Variants in EPHX4 observed in about 807,000 individuals in gnomAD.
EPHX4 encodes the protein epoxide hydrolase 4.
EPHX4 carries 31 observed loss-of-function variants against 44.9 expected under a neutral mutation model. The ratio of observed to expected loss-of-function variants is 0.69; its 90% CI spans 0.52 to 0.93. The LOEUF (loss-of-function observed/expected upper bound fraction) is 0.93. EPHX4 is among the 40% of genes least tolerant of loss of function. The pLI, the probability that EPHX4 is intolerant of heterozygous loss-of-function variation, is 0.00. For synonymous variants in EPHX4, 151 were observed against 159.7 expected (o/e 0.95, Z 0.41); for missense variants, 373 against 438.1 (o/e 0.85, Z 1.33).
At chr1:92,038,679 C>T (rs1688472374) in intron 2 of EPHX4, among the ~76,000 whole-genome samples, 1 of 151,768 alleles carries the variant, frequency 6.6e-6, no homozygotes, top group African/African-American at 2.4e-5. Flanking sequence ...AAGGAGACGC[C>T]TAATGTGATA....
At chr1:92,045,187 T>C (rs1688566072) in intron 3 of EPHX4, among the ~76,000 whole-genome samples, 6 of 152,146 alleles carry the variant, frequency 3.9e-5, no homozygotes, top group Admixed American at 3.9e-4. Context: ...GGTCTTGCTA[T>C]GTTGCCCAGG....
At chr1:92,035,641 A>G (rs1386388179) in intron 2 of EPHX4, among the ~76,000 whole-genome samples, 1 of 152,164 alleles carries the variant, frequency 6.6e-6, no homozygotes, top group African/African-American at 2.4e-5. Flanking sequence ...TCTGGAATAC[A>G]TGTGCAGGAC....
intron 3 of EPHX4, chr1:92,043,823 T>C (rs1274272360): frequency 6.6e-6 from 1 of 152,208 alleles, no homozygotes; most frequent in Non-Finnish European, 1.5e-5. Flanking sequence ...AGTGGCTGCC[T>C]GAGGGAAGCT....
chr1:92,042,610 G>A (rs6692045), intron 2 of EPHX4, among the ~76,000 whole-genome samples: 41,815 of 151,066 alleles, frequency 0.28, 6,607 homozygotes, highest in African/African-American at 0.44. Context: ...CTGTAGTCTC[G>A]GCTTTTTAGG....
At chr1:92,055,303 A>G (rs1647336897) in intron 6 of EPHX4, among the ~76,000 whole-genome samples, 2 of 152,222 alleles carry the variant, frequency 1.3e-5, no homozygotes, top group African/African-American at 4.8e-5. Context: ...CACAGTTACA[A>G]TTAAAGCACA....
chr1:92,063,480 G>T lies in EPHX4; in HGVS notation c.*194G>T. 2.2e-6 allele frequency: 1 copy of T among 455,538 alleles called. No individual in the cohort carries two copies. The highest frequency in any genetic ancestry group is 3.9e-6 in the Non-Finnish European group (1 of 258,712). The allele number at this position is 455,538 out of a possible 1,614,324, so 28.2% of individuals were successfully genotyped here. A position where few individuals can be genotyped will look rare whatever the true frequency, so the allele number is the denominator to read the frequency against. ...TATAATACAATGTTGATTTTCTTCT[G>T]GTGTATTTTGCACAGACAAGCATCT... On this transcript the variant is annotated 3_prime_UTR_variant, in exon 7 of 7. Coordinates refer to ENST00000370383, the MANE Select transcript of EPHX4 (RefSeq NM_173567.5).
intron 6 of EPHX4, among the ~76,000 whole-genome samples, chr1:92,062,603 A>G (rs936510917): frequency 1.3e-5 from 2 of 151,126 alleles, no homozygotes; most frequent in African/African-American, 2.4e-5. Context: ...AAAAAAAAAA[A>G]AAAAAAAGAA....
intron 1 of EPHX4, among the ~76,000 whole-genome samples, chr1:92,030,736 G>A (rs780588321): frequency 1.2e-4 from 18 of 152,106 alleles, no homozygotes; most frequent in Non-Finnish European, 2.5e-4. Context: ...TAATGTCTCA[G>A]GAGGCTGTTC....
chr1:92,040,263 C>A (rs1688490711), intron 2 of EPHX4, among the ~76,000 whole-genome samples: 1 of 148,004 alleles, frequency 6.8e-6, no homozygotes, highest in Non-Finnish European at 1.5e-5. Context: ...GTAAACTCTG[C>A]CGCCTGGGCT....
At chr1:92,032,662 G>C (rs2101864969) in intron 2 of EPHX4, 72 bp downstream of exon 2, 1 of 1,204,366 alleles carries the variant, frequency 8.3e-7, no homozygotes, top group Non-Finnish European at 1.2e-6. Flanking sequence ...TTGTGCTGCT[G>C]TAACAGAATA....
intron 3 of EPHX4, chr1:92,043,807 A>C (rs79584457): frequency 6.6e-6 from 1 of 152,230 alleles, no homozygotes. Context: ...GCCCAAGCTA[A>C]AAGGGAGTGG....
chr1:92,048,310 C>T (rs1265378749), intron 4 of EPHX4, among the ~76,000 whole-genome samples: 1 of 152,178 alleles, frequency 6.6e-6, no homozygotes, highest in Admixed American at 6.5e-5. Flanking sequence ...AGTCATGCTA[C>T]ATGCTCGTTC....
intron 2 of EPHX4, among the ~76,000 whole-genome samples, chr1:92,039,136 T>G (rs1382086566): frequency 6.6e-6 from 1 of 152,234 alleles, no homozygotes; most frequent in African/African-American, 2.4e-5. Flanking sequence ...GCTGGAAGAT[T>G]GGGCAATAGT....
chr1:92,060,682 G>A (rs1335836504), intron 6 of EPHX4, among the ~76,000 whole-genome samples: 1 of 151,970 alleles, frequency 6.6e-6, no homozygotes, highest in Non-Finnish European at 1.5e-5. Context: ...ACTTTGGGAG[G>A]CCAAAGTGGG....
chr1:92,050,693 C>G (rs141348785), intron 5 of EPHX4, among the ~76,000 whole-genome samples: 523 of 151,440 alleles, frequency 3.5e-3, no homozygotes, highest in Admixed American at 6.6e-3. Context: ...ATACAAATAT[C>G]AGGTTTAATA....
At position 92,063,349 on chromosome 1, in the gene EPHX4, C is replaced by A. The variant is rs959758354; in HGVS notation, c.*63C>A. 7 of 1,217,136 alleles carry A rather than the reference C, an allele frequency of 5.8e-6. No individual in the cohort carries two copies. Among genetic ancestry groups the A allele is most frequent in the Non-Finnish European group, 6.6e-6 (6 of 903,642 alleles). 75.4% of individuals were successfully genotyped at this position (1,217,136 alleles called of 1,614,324 possible). On this transcript the variant is annotated 3_prime_UTR_variant, in exon 7 of 7. Transcript: ENST00000370383. The stretch of plus-strand genomic sequence containing the variant: ...CTCTAAATAATTTTTAAAAATTGTT[C>A]ATCAACTTCTTTATGTTTTATTAGA...
intron 2 of EPHX4, among the ~76,000 whole-genome samples, chr1:92,034,485 C>T (rs1252266568): frequency 6.6e-6 from 1 of 152,024 alleles, no homozygotes; most frequent in African/African-American, 2.4e-5. Context: ...AGGTCTAGGA[C>T]AATATCCTGT....
chr1:92,060,243 GA>G (rs1047973039), intron 6 of EPHX4, among the ~76,000 whole-genome samples: 14 of 151,100 alleles, frequency 9.3e-5, no homozygotes, highest in South Asian at 4.2e-4. Context: ...AATGTGTCTA[GA>G]AAAAAAAATT....
chr1:92,051,803 G>T (rs1017012746), intron 5 of EPHX4, among the ~76,000 whole-genome samples: 1 of 152,074 alleles, frequency 6.6e-6, no homozygotes, highest in Non-Finnish European at 1.5e-5. Flanking sequence ...GTATACATTA[G>T]TGATCATAGC....
Sources: allele counts gnomAD v4.1 joint callset (sites outside exome capture counted in the v4.1 genomes callset), GRCh38; gene constraint gnomAD v4.1.1; transcripts MANE v1.5; gene names NCBI Gene and HGNC (gene_info 2026-07-23, HGNC 2026-07-21).